ASXL3: variants seen among roughly 807,000 people sequenced by gnomAD.
The protein encoded by ASXL3 is ASXL transcriptional regulator 3.
In ASXL3, 34 loss-of-function variants were observed where a neutral mutation model predicts 170.6. The observed-to-expected ratio is 0.20, with a 90% CI of 0.15 to 0.27. ASXL3 has a LOEUF of 0.27. Among genes scored for constraint, ASXL3 ranks in the 10% least tolerant of loss-of-function variants. The pLI is 1.00. For synonymous variants in ASXL3, 1,002 were observed against 989.1 expected (o/e 1.01, Z -0.24); for missense variants, 2,592 against 2,695.3 (o/e 0.96, Z 0.85).
At chr18:33,676,498 G>T (rs2066432923) in intron 7 of ASXL3, among the ~76,000 whole-genome samples, 1 of 152,110 alleles carries the variant, frequency 6.6e-6, no homozygotes, top group Non-Finnish European at 1.5e-5. Context: ...CTCTGATGAG[G>T]TTATAATGAA....
intron 2 of ASXL3, among the ~76,000 whole-genome samples, chr18:33,623,019 A>G (rs893688693): frequency 2.0e-5 from 3 of 152,068 alleles, no homozygotes; most frequent in African/African-American, 7.2e-5. Context: ...AAAATTACCT[A>G]TATAGTTTAC....
At chr18:33,699,520 G>C (rs2066833552) in intron 8 of ASXL3, among the ~76,000 whole-genome samples, 1 of 152,082 alleles carries the variant, frequency 6.6e-6, no homozygotes, top group East Asian at 1.9e-4. Context: ...TGATGATTGA[G>C]AGTTTACCAT....
intron 8 of ASXL3, among the ~76,000 whole-genome samples, chr18:33,707,578 G>GT (rs982944106): frequency 6.6e-6 from 1 of 151,796 alleles, no homozygotes; most frequent in African/African-American, 2.4e-5. Flanking sequence ...ATAGTGTATG[G>GT]TTTTTTATCC....
chr18:33,714,560 C>T (rs915143164), intron 8 of ASXL3, among the ~76,000 whole-genome samples: 4 of 152,188 alleles, frequency 2.6e-5, no homozygotes, highest in Non-Finnish European at 4.4e-5. Context: ...TTCGTTCTAA[C>T]TCTAAAACAG....
At chr18:33,704,044 A>G (rs10502622) in intron 8 of ASXL3, among the ~76,000 whole-genome samples, 9,331 of 152,184 alleles carry the variant, frequency 0.061, 350 homozygotes, top group South Asian at 0.11. Flanking sequence ...CTAGATTTCC[A>G]AGTATGCCAA....
chr18:33,677,442 A>G (rs922658208), intron 7 of ASXL3, among the ~76,000 whole-genome samples: 1 of 152,188 alleles, frequency 6.6e-6, no homozygotes, highest in Non-Finnish European at 1.5e-5. Context: ...AAAAAGTAAA[A>G]CTAAAAAACA....
intron 1 of ASXL3, among the ~76,000 whole-genome samples, chr18:33,588,325 A>G (rs2065050666): frequency 6.6e-6 from 1 of 151,666 alleles, no homozygotes. Context: ...GCAACAGAAC[A>G]CAACTCCTCC....
intron 1 of ASXL3, among the ~76,000 whole-genome samples, chr18:33,581,439 G>A (rs2064991309): frequency 1.3e-5 from 2 of 149,210 alleles, no homozygotes; most frequent in African/African-American, 5.0e-5. Flanking sequence ...AATTCATGCA[G>A]AATATGTTAT....
rs555421443 is a variant in ASXL3, at chr18:33,652,864, G to A, written c.355+6511G>A. Among the ~76,000 whole-genome samples the A allele has an allele frequency of 5.9e-5, 9 of 152,092 alleles. No individual in the cohort carries two copies. In the East Asian group the frequency reaches 1.6e-3, roughly 26 times the overall value. On this transcript the variant is annotated intron_variant, in intron 4 of 11. Transcript: ENST00000269197. ...TCAAAAGTGAAAAGTGTGTTAAGGA[G>A]GCCTGAAGTGTGTGAATATAATCTC...
chr18:33,664,212 C>G (rs1030957814), intron 5 of ASXL3, among the ~76,000 whole-genome samples: 1 of 152,146 alleles, frequency 6.6e-6, no homozygotes, highest in Non-Finnish European at 1.5e-5. Flanking sequence ...GGTAACTTGC[C>G]CAAGATCACC....
intron 7 of ASXL3, among the ~76,000 whole-genome samples, chr18:33,676,450 A>T (rs1158384329): frequency 6.6e-6 from 1 of 152,088 alleles, no homozygotes; most frequent in Non-Finnish European, 1.5e-5. Context: ...GGGTGAGTGC[A>T]GTTGAAAAAT....
chr18:33,743,928 T>G lies in ASXL3; in HGVS notation c.4080T>G (p.Ile1360Met). 1 of 1,613,940 alleles carries G rather than the reference T, an allele frequency of 6.2e-7. No individual in the cohort carries two copies. The highest frequency in any genetic ancestry group is 8.5e-7 in the Non-Finnish European group (1 of 1,179,886). ...LPNLSTSSVL[I>M]PPMGINNRFP... is the part of the protein sequence containing the mutation. ...ACCTCTCCACTAGCTCTGTCTTGATTCCCCCAATGGGAATTAACAACAGAT... is the reference window on the plus strand; with the variant it reads ...ACCTCTCCACTAGCTCTGTCTTGATGCCCCCAATGGGAATTAACAACAGAT... Residue 1360 changes from isoleucine (I) to methionine (M), a missense_variant, in exon 12 of 12, where the codon ATT becomes ATG. By Grantham distance (10) the Ile-to-Met change is conservative. This residue lies in a region of ASXL3 where 2,246 missense variants were observed against 2,219.6 expected (regional missense o/e 1.01). Transcript: ENST00000269197.
At chr18:33,596,526 G>C (rs2065128580) in intron 1 of ASXL3, among the ~76,000 whole-genome samples, 1 of 152,080 alleles carries the variant, frequency 6.6e-6, no homozygotes, top group Admixed American at 6.6e-5. Context: ...ATATAACAAA[G>C]TCATTTTATA....
intron 4 of ASXL3, among the ~76,000 whole-genome samples, chr18:33,649,073 T>A (rs538483863): frequency 6.6e-6 from 1 of 150,602 alleles, no homozygotes; most frequent in South Asian, 2.1e-4. Flanking sequence ...GGGGAAGGAG[T>A]GGAATGGGAA....
chr18:33,696,392 A>G (rs1372801604), intron 8 of ASXL3, among the ~76,000 whole-genome samples: 3 of 152,170 alleles, frequency 2.0e-5, no homozygotes, highest in African/African-American at 4.8e-5. Context: ...CACCACTTCT[A>G]ATTCCTCATT....
chr18:33,707,017 C>T (rs1020552662), intron 8 of ASXL3, among the ~76,000 whole-genome samples: 1 of 151,592 alleles, frequency 6.6e-6, no homozygotes, highest in African/African-American at 2.4e-5. Flanking sequence ...TTCCCCCCAC[C>T]CCCACAGTGT....
rs1274662088 is a variant in ASXL3 at position 33,744,023 on chromosome 18, G to C, written c.4175G>C (p.Arg1392Thr). The change falls in exon 12 of 12, where the codon AGA becomes ACA. Residue 1392 changes from arginine (R) to threonine (T), a missense_variant. Arg to Thr is a moderately conservative substitution (Grantham distance 71). This residue lies in a region of ASXL3 where 2,246 missense variants were observed against 2,219.6 expected (regional missense o/e 1.01). Transcript: ENST00000269197. The stretch of plus-strand genomic sequence containing the variant: ...ACTGTATCCATGGGTACCACTGTGA[G>C]AGCAGCCCTCAGCTGCAGTGATTCT... The part of the protein sequence containing the change: ...QATVSMGTTV[R>T]AALSCSDSVA... The C allele has an allele frequency of 1.2e-6, 2 of 1,613,898 alleles. No individual in the cohort carries two copies. The highest frequency in any genetic ancestry group is 2.7e-5 in the African/African-American group (2 of 74,922).
intron 8 of ASXL3, among the ~76,000 whole-genome samples, chr18:33,713,248 GTTTTTTTTTTTTTTTTT>G (rs1226619353): frequency 1.5e-5 from 1 of 65,086 alleles, no homozygotes; most frequent in African/African-American, 6.2e-5. Context: ...GTTTTGTTTT[GTTTTTTTTTTTTTTTTT>G]TTTTTTTTTG....
chr18:33,670,915 T>C, intron 6 of ASXL3, 125 bp downstream of exon 6: 1 of 566,468 alleles, frequency 1.8e-6, no homozygotes. Flanking sequence ...TGGTTTAATT[T>C]CTTTATACCT....
Sources: gnomAD v4.1 joint callset for allele counts (sites outside exome capture counted in the v4.1 genomes callset) on GRCh38, gnomAD v4.1.1 for gene constraint, gnomAD v4.1.1 regional missense constraint, MANE v1.5 for transcripts, NCBI Gene and HGNC (gene_info 2026-07-23, HGNC 2026-07-21) for gene names.